CTNNA3: variants seen among roughly 807,000 people sequenced by gnomAD.
The protein encoded by CTNNA3 is catenin alpha 3.
CTNNA3 carries 76 observed loss-of-function variants against 95.7 expected under a neutral mutation model. The ratio of observed to expected loss-of-function variants is 0.79; its 90% CI spans 0.66 to 0.96. The LOEUF is 0.96. CTNNA3 is among the 40% of genes least tolerant of loss of function. CTNNA3 has a pLI of 0.00. For missense variants in CTNNA3, 1,191 were observed against 1,089.8 expected, an observed-to-expected ratio of 1.09 and a Z score of -1.31; for synonymous variants, 431 against 374.4, an observed-to-expected ratio of 1.15 and a Z score of -1.74.
intron 11 of CTNNA3, among the ~76,000 whole-genome samples, chr10:66,517,128 A>G (rs1165376503): frequency 1.3e-5 from 2 of 152,088 alleles, no homozygotes; most frequent in Non-Finnish European, 2.9e-5. Flanking sequence ...AGGCTGAGGC[A>G]GGAGAATTGC....
intron 5 of CTNNA3, among the ~76,000 whole-genome samples, chr10:67,222,797 T>C (rs1318807519): frequency 6.6e-6 from 1 of 152,238 alleles, no homozygotes; most frequent in African/African-American, 2.4e-5. Context: ...ACCTATACAT[T>C]ATGCTTCTTT....
chr10:66,003,329 GGTGTGT>G (rs376512211), intron 15 of CTNNA3, among the ~76,000 whole-genome samples: 2 of 149,848 alleles, frequency 1.3e-5, no homozygotes. Context: ...TGGTGGTGGT[GGTGTGT>G]GTGTGTGTGT....
chr10:66,414,361 G>A (rs1390353781), intron 11 of CTNNA3, among the ~76,000 whole-genome samples: 2 of 152,138 alleles, frequency 1.3e-5, no homozygotes, highest in Non-Finnish European at 2.9e-5. Flanking sequence ...TAAGGAATGG[G>A]AGAAGGAAGC....
intron 7 of CTNNA3, among the ~76,000 whole-genome samples, chr10:66,931,072 T>C (rs1300032479): frequency 1.3e-5 from 2 of 151,894 alleles, no homozygotes; most frequent in Non-Finnish European, 2.9e-5. Context: ...GGACTACATA[T>C]CATAAATCTA....
chr10:67,508,934 T>G (rs968881543), intron 5 of CTNNA3, among the ~76,000 whole-genome samples: 2 of 151,970 alleles, frequency 1.3e-5, no homozygotes, highest in African/African-American at 4.8e-5. Flanking sequence ...TGGAGTGCAA[T>G]GGCATGATCT....
intron 5 of CTNNA3, among the ~76,000 whole-genome samples, chr10:67,278,629 T>C (rs1839279827): frequency 6.6e-6 from 1 of 152,170 alleles, no homozygotes; most frequent in Non-Finnish European, 1.5e-5. Context: ...GATTGTACAA[T>C]GTTTCTTATC....
At chr10:66,586,702 T>C (rs548984473) in intron 10 of CTNNA3, among the ~76,000 whole-genome samples, 1 of 152,098 alleles carries the variant, frequency 6.6e-6, no homozygotes, top group Non-Finnish European at 1.5e-5. Flanking sequence ...GAAAAAGAAA[T>C]CACCTTCTCA....
chr10:67,540,592 A>G (rs1840653204), intron 3 of CTNNA3, among the ~76,000 whole-genome samples: 1 of 152,020 alleles, frequency 6.6e-6, no homozygotes, highest in Admixed American at 6.5e-5. Context: ...TACATGTTTT[A>G]TATACATAAA....
intron 6 of CTNNA3, among the ~76,000 whole-genome samples, chr10:67,183,066 C>T (rs955858930): frequency 2.0e-5 from 3 of 152,062 alleles, no homozygotes; most frequent in Non-Finnish European, 2.9e-5. Flanking sequence ...TATGGAGAAA[C>T]AGGAACACTT....
At chr10:66,083,687 T>C (rs1318084661) in intron 14 of CTNNA3, among the ~76,000 whole-genome samples, 2 of 152,284 alleles carry the variant, frequency 1.3e-5, no homozygotes, top group East Asian at 3.9e-4. Flanking sequence ...CTATGTATTG[T>C]GGAAACCATC....
intron 7 of CTNNA3, among the ~76,000 whole-genome samples, chr10:67,160,136 T>A (rs1861472637): frequency 6.6e-6 from 1 of 152,094 alleles, no homozygotes; most frequent in East Asian, 1.9e-4. Context: ...ACATCACTAG[T>A]CATCAGGAAA....
intron 7 of CTNNA3, among the ~76,000 whole-genome samples, chr10:66,835,922 A>T (rs1396634079): frequency 1.3e-5 from 2 of 152,056 alleles, no homozygotes; most frequent in African/African-American, 2.4e-5. Context: ...TGCATTTCTA[A>T]CAAGCTCCTA....
rs1840848078 is a variant in CTNNA3 at position 67,691,348 on chromosome 10, C to A, written c.-6+4652G>T. Reference sequence around the variant, plus strand: ...GAAGTGAGGAGCATCTCCGCCTGGCCGCCCATCATCTGGGATGTGAGGAGC... The same window carrying A: ...GAAGTGAGGAGCATCTCCGCCTGGCAGCCCATCATCTGGGATGTGAGGAGC... On this transcript the variant is annotated intron_variant, in intron 1 of 17. Coordinates refer to ENST00000433211, the MANE Select transcript of CTNNA3 (RefSeq NM_013266.4). Among the ~76,000 whole-genome samples, 2 of 151,496 alleles carry A rather than the reference C, an allele frequency of 1.3e-5. 1 individual carries two copies. The highest frequency in any genetic ancestry group is 1.3e-4 in the Admixed American group (2 of 15,244).
intron 9 of CTNNA3, among the ~76,000 whole-genome samples, chr10:66,691,767 C>A (rs1414388219): frequency 6.6e-6 from 1 of 152,142 alleles, no homozygotes; most frequent in Non-Finnish European, 1.5e-5. Flanking sequence ...GACAAAACTT[C>A]CAGAGGAACG....
intron 11 of CTNNA3, among the ~76,000 whole-genome samples, chr10:66,472,191 T>C (rs1216607721): frequency 6.6e-6 from 1 of 151,968 alleles, no homozygotes; most frequent in East Asian, 1.9e-4. Context: ...GGTGCTTTTA[T>C]TCTAGTGAAC....
chr10:66,556,642 T>C (rs1015486), intron 10 of CTNNA3, among the ~76,000 whole-genome samples: 11,235 of 152,100 alleles, frequency 0.074, 561 homozygotes, highest in African/African-American at 0.13. Flanking sequence ...AAATACTGCA[T>C]GATCCACTTA....
At chr10:66,724,556 C>T (rs999054927) in intron 9 of CTNNA3, among the ~76,000 whole-genome samples, 1 of 152,014 alleles carries the variant, frequency 6.6e-6, no homozygotes, top group African/African-American at 2.4e-5. Context: ...ATTTGCATTC[C>T]CTTAGCACAC....
chr10:67,500,234 G>A (rs542256749), intron 5 of CTNNA3, among the ~76,000 whole-genome samples: 1 of 152,306 alleles, frequency 6.6e-6, no homozygotes, highest in South Asian at 2.1e-4. Flanking sequence ...CCTCGTAGTT[G>A]TGCAGTTGAG....
chr10:66,275,471 C>T (rs184432500), intron 13 of CTNNA3, among the ~76,000 whole-genome samples: 2 of 152,268 alleles, frequency 1.3e-5, no homozygotes, highest in East Asian at 1.9e-4. Context: ...CTGTTCAGTC[C>T]TTTACTTTTA....
Sources: allele counts gnomAD v4.1 joint callset (sites outside exome capture counted in the v4.1 genomes callset), GRCh38; gene constraint gnomAD v4.1.1; transcripts MANE v1.5; gene names NCBI Gene and HGNC (gene_info 2026-07-23, HGNC 2026-07-21).